CCDC112: variants seen among roughly 807,000 people sequenced by gnomAD.
The protein encoded by CCDC112 is coiled-coil domain-containing protein 112.
A neutral mutation model predicts 66.3 loss-of-function variants in CCDC112; 40 were observed. The ratio of observed to expected loss-of-function variants is 0.60; its 90% confidence interval spans 0.47 to 0.79. The LOEUF is 0.79. Ranked by LOEUF, CCDC112 falls within the 30% of genes least tolerant of loss-of-function variation. The pLI, the probability that CCDC112 is intolerant of heterozygous loss-of-function variation, is 0.00. For synonymous variants in CCDC112, 214 were observed against 197.2 expected (o/e 1.09, Z -0.71); for missense variants, 659 against 603.8 (o/e 1.09, Z -0.96).
At position 115,271,407 on chromosome 5, in the gene CCDC112, CT is replaced by C; in HGVS notation, c.1137del (p.Glu380LysfsTer18). The C allele has an allele frequency of 6.2e-7, 1 of 1,608,050 alleles. No homozygotes were observed. The highest frequency in any genetic ancestry group is 8.5e-7 in the Non-Finnish European group (1 of 1,178,810). On this transcript the variant is annotated frameshift_variant, in exon 7 of 10. Transcript: ENST00000379611. LOFTEE classifies it high-confidence loss of function. Reference protein sequence around the residue: ...MSMKCASQLKEEEEKEKKHQK... With the variant: ...MSMKCASQLKXEEEKEKKHQK... ...TGATGTTTTTTCTCTTTCTCTTCTT[CT>C]TCTTTTAACTGGGAAGCACATTTCA... is the stretch of plus-strand genomic sequence containing the variant.
intron 1 of CCDC112, among the ~76,000 whole-genome samples, chr5:115,291,621 TATTCTTCATGTGG>T (rs576588686): frequency 6.2e-4 from 94 of 152,326 alleles, no homozygotes; most frequent in African/African-American, 2.2e-3. Context: ...CTATTCACAT[TATTCTTCATGTGG>T]ATTCAAGTTA....
chr5:115,284,990 C>T lies in CCDC112; in HGVS notation c.118-82G>A, dbSNP rs1215773352. The T allele has an allele frequency of 2.3e-6, 3 of 1,315,560 alleles. No individual in the cohort carries two copies. In the African/African-American group the frequency reaches 4.4e-5, roughly 19 times the overall value. 81.5% of individuals were successfully genotyped at this position (1,315,560 alleles called of 1,614,324 possible). On this transcript the variant is annotated intron_variant, in intron 1 of 9. Transcript: ENST00000379611. ...GAATTTTTTCAGAGAGATAAAATGT[C>T]AATAGTTGAGTTTCTTGAAGGATAA...
chr5:115,291,666 T>C (rs1352274242), intron 1 of CCDC112, among the ~76,000 whole-genome samples: 1 of 152,230 alleles, frequency 6.6e-6, no homozygotes, highest in Non-Finnish European at 1.5e-5. Flanking sequence ...CCTTCTATTT[T>C]AGCTTGAAGG....
chr5:115,286,873 C>A (rs1179550654), intron 1 of CCDC112, among the ~76,000 whole-genome samples: 1 of 152,108 alleles, frequency 6.6e-6, no homozygotes. Flanking sequence ...CATAACCACA[C>A]AACTGCACTC....
At chr5:115,287,860 T>C (rs1354062235) in intron 1 of CCDC112, among the ~76,000 whole-genome samples, 1 of 151,974 alleles carries the variant, frequency 6.6e-6, no homozygotes, top group Non-Finnish European at 1.5e-5. Context: ...TTTCTTTTAT[T>C]TTTCTTTTTG....
intron 6 of CCDC112, among the ~76,000 whole-genome samples, chr5:115,272,385 G>A (rs1190172911): frequency 1.3e-5 from 2 of 152,206 alleles, no homozygotes; most frequent in East Asian, 3.9e-4. Context: ...CATGAGCACT[G>A]AAGTCAGACT....
Position 115,273,524 on chromosome 5 carries a change from C to G in CCDC112, c.918+1692G>C, listed in dbSNP as rs143681182. Among the ~76,000 whole-genome samples, 581 of 152,300 alleles carry G rather than the reference C, an allele frequency of 3.8e-3. 4 individuals are homozygous for G. The highest frequency in any genetic ancestry group is 0.014 in the African/African-American group (565 of 41,558). On this transcript the variant is annotated intron_variant, in intron 6 of 9. Coordinates refer to ENST00000379611, the MANE Select transcript of CCDC112 (RefSeq NM_001040440.3). ...TTTCACAAACCCTTCTATCTCACCCCTATGTCCTGCTCATATCGTATCAAA... is the reference window on the plus strand; with the variant it reads ...TTTCACAAACCCTTCTATCTCACCCGTATGTCCTGCTCATATCGTATCAAA...
intron 2 of CCDC112, among the ~76,000 whole-genome samples, chr5:115,281,520 T>C (rs1022192681): frequency 1.3e-5 from 2 of 152,200 alleles, no homozygotes; most frequent in African/African-American, 4.8e-5. Flanking sequence ...CTGGCAACTC[T>C]AATGGACTGA....
At chr5:115,284,987 T>C in intron 1 of CCDC112, 79 bp from the exon 2 acceptor site, 3 of 1,323,682 alleles carry the variant, frequency 2.3e-6, no homozygotes, top group Middle Eastern at 1.9e-4. Flanking sequence ...AGAGATAAAA[T>C]GTCAATAGTT....
intron 1 of CCDC112, among the ~76,000 whole-genome samples, chr5:115,294,379 G>C (rs1750058962): frequency 6.6e-6 from 1 of 152,182 alleles, no homozygotes; most frequent in Non-Finnish European, 1.5e-5. Flanking sequence ...AGATGCCAGA[G>C]ATCTCTTTCT....
chr5:115,279,460 A>G (rs1413874423), intron 3 of CCDC112, among the ~76,000 whole-genome samples, 187 bp downstream of exon 3: 1 of 152,190 alleles, frequency 6.6e-6, no homozygotes, highest in Non-Finnish European at 1.5e-5. Context: ...TAGTGACCCG[A>G]AAGAATAAAC....
chr5:115,292,891 T>G (rs1247296087), intron 1 of CCDC112, among the ~76,000 whole-genome samples: 1 of 152,224 alleles, frequency 6.6e-6, no homozygotes, highest in Admixed American at 6.5e-5. Context: ...TAGTATTTAC[T>G]TTCTGCCAGC....
Position 115,267,730 on chromosome 5 carries a change from G to A in CCDC112, c.*146C>T, listed in dbSNP as rs1213423267. 4.3e-6 allele frequency: 3 copies of A among 695,802 alleles called. No homozygotes were observed. Among genetic ancestry groups the A allele is most frequent in the East Asian group, 2.7e-5 (1 of 36,892 alleles). 43.1% of individuals were successfully genotyped at this position (695,802 alleles called of 1,614,324 possible). A position where few individuals can be genotyped will look rare whatever the true frequency, so the allele number is the denominator to read the frequency against. On this transcript the variant is annotated 3_prime_UTR_variant, in exon 10 of 10. Transcript: ENST00000379611. The stretch of plus-strand genomic sequence containing the variant: ...AGGAATACTAATGACAAAGCCTCAT[G>A]AAACTTAATACCTCTCAATTCACAA...
chr5:115,267,725 C>T lies in CCDC112; in HGVS notation c.*151G>A. 1 of 676,804 alleles carries T rather than the reference C, an allele frequency of 1.5e-6. No homozygotes were observed. Among genetic ancestry groups the T allele is most frequent in the Non-Finnish European group, 2.6e-6 (1 of 380,194 alleles). 41.9% of individuals were successfully genotyped at this position (676,804 alleles called of 1,614,324 possible). ...GAAGCAGGAATACTAATGACAAAGCCTCATGAAACTTAATACCTCTCAATT... is the reference window on the plus strand; with the variant it reads ...GAAGCAGGAATACTAATGACAAAGCTTCATGAAACTTAATACCTCTCAATT... On this transcript the variant is annotated 3_prime_UTR_variant, in exon 10 of 10. Transcript: ENST00000379611.
chr5:115,273,944 GGGA>G (rs1346166990), intron 6 of CCDC112, among the ~76,000 whole-genome samples: 2 of 152,124 alleles, frequency 1.3e-5, no homozygotes, highest in Admixed American at 1.3e-4. Flanking sequence ...GCTGGGGGGA[GGGA>G]GGAGAATGAC....
intron 1 of CCDC112, among the ~76,000 whole-genome samples, chr5:115,295,225 G>C (rs1284924240): frequency 6.6e-6 from 1 of 152,152 alleles, no homozygotes; most frequent in African/African-American, 2.4e-5. Flanking sequence ...CATCACAAAA[G>C]TGTGCATCAA....
At position 115,283,176 on chromosome 5, in the gene CCDC112, C is replaced by T. The variant is rs141415137; in HGVS notation, c.239+1611G>A. ...ATATGTATTAGCAACTTCAAGCATA[C>T]AATACGTTATTATTAACTATACTCA... On this transcript the variant is annotated intron_variant, in intron 2 of 9. Coordinates refer to ENST00000379611, the MANE Select transcript of CCDC112 (RefSeq NM_001040440.3). Among the ~76,000 whole-genome samples, 474 of 152,196 alleles carry T rather than the reference C, an allele frequency of 3.1e-3. 5 individuals are homozygous for T. The highest frequency in any genetic ancestry group is 0.011 in the African/African-American group (447 of 41,546).
chr5:115,269,498 T>G (rs910507275), intron 8 of CCDC112: 13 of 509,486 alleles, frequency 2.6e-5, no homozygotes, highest in African/African-American at 2.4e-4. Flanking sequence ...AAGAAAACGG[T>G]GCTCATAAGG....
rs200296901 is a variant in CCDC112, at chr5:115,296,509, G to C, written c.35C>G (p.Ala12Gly). 1.3e-6 allele frequency: 2 copies of C among 1,543,062 alleles called. No homozygotes were observed. Among genetic ancestry groups the C allele is most frequent in the Non-Finnish European group, 1.7e-6 (2 of 1,150,778 alleles). ...CACAGCCCCGGCTACCGCGGTGGCC[G>C]CAGCCGCTACCACAACCGTCGTCAG... ...AALTTVVVAA[A>G]ATAVAGAVAG... Residue 12 changes from alanine to glycine, a missense_variant, in exon 1 of 10, where the codon GCG becomes GGG. Physicochemically the swap from Ala to Gly is moderately conservative, Grantham distance 60. Transcript: ENST00000379611.
Sources: gnomAD v4.1 joint callset for allele counts (sites outside exome capture counted in the v4.1 genomes callset) on GRCh38, gnomAD v4.1.1 for gene constraint, MANE v1.5 for transcripts, NCBI Gene and HGNC (gene_info 2026-07-23, HGNC 2026-07-21) for gene names.